MEIKIN: variants seen among roughly 807,000 people sequenced by gnomAD.
MEIKIN encodes meiotic kinetochore factor, also known as meiosis-specific kinetochore protein.
chr5:131,825,510 G>A (rs1004825061), intron 11 of MEIKIN, among the ~76,000 whole-genome samples: 11 of 152,152 alleles, frequency 7.2e-5, no homozygotes, highest in African/African-American at 1.7e-4. Context: ...TGTGCAAAGC[G>A]GAAGCTCAGT....
intron 5 of MEIKIN, among the ~76,000 whole-genome samples, chr5:131,924,488 C>T (rs757664327): frequency 1.3e-5 from 2 of 152,018 alleles, no homozygotes; most frequent in African/African-American, 4.8e-5. Context: ...CATTTGTTAT[C>T]TTTTGTTTTT....
chr5:131,855,655 C>G (rs1403788756), intron 9 of MEIKIN, among the ~76,000 whole-genome samples: 1 of 151,086 alleles, frequency 6.6e-6, no homozygotes, highest in Non-Finnish European at 1.5e-5. Flanking sequence ...AGAGGAAGAC[C>G]AAGAGAAGGA....
intron 5 of MEIKIN, 126 bp downstream of exon 5, chr5:131,933,387 G>C (rs928725007): frequency 1.1e-5 from 4 of 379,980 alleles, no homozygotes; most frequent in Middle Eastern, 6.6e-4. Flanking sequence ...AATGGTCAGG[G>C]AAGTGAGGTG....
chr5:131,823,169 T>C (rs1336634563), intron 11 of MEIKIN, among the ~76,000 whole-genome samples: 1 of 152,128 alleles, frequency 6.6e-6, no homozygotes, highest in Admixed American at 6.5e-5. Flanking sequence ...CTTGAGGTAG[T>C]CTTCGGATTA....
chr5:131,889,746 A>G (rs1159917167), intron 8 of MEIKIN, among the ~76,000 whole-genome samples: 2 of 152,164 alleles, frequency 1.3e-5, no homozygotes, highest in Non-Finnish European at 2.9e-5. Context: ...TTCCAACACT[A>G]TGTTGAATAG....
intron 11 of MEIKIN, among the ~76,000 whole-genome samples, chr5:131,842,782 C>G (rs145775243): frequency 6.6e-6 from 1 of 152,266 alleles, no homozygotes; most frequent in East Asian, 1.9e-4. Flanking sequence ...TCCACCCTTC[C>G]ACATTTTATG....
intron 12 of MEIKIN, among the ~76,000 whole-genome samples, chr5:131,809,162 C>G (rs187396726): frequency 6.6e-6 from 1 of 152,178 alleles, no homozygotes; most frequent in Non-Finnish European, 1.5e-5. Context: ...ACAACTATGT[C>G]TTTATCTCAA....
At chr5:131,867,613 T>G (rs1263471564) in intron 9 of MEIKIN, among the ~76,000 whole-genome samples, 2 of 152,250 alleles carry the variant, frequency 1.3e-5, no homozygotes, top group African/African-American at 2.4e-5. Flanking sequence ...ATCATATGGT[T>G]GGAATCACAC....
At chr5:131,872,429 G>A (rs951754382) in intron 9 of MEIKIN, among the ~76,000 whole-genome samples, 6 of 152,172 alleles carry the variant, frequency 3.9e-5, no homozygotes, top group Non-Finnish European at 7.3e-5. Flanking sequence ...GAAATGAAGT[G>A]AGAAGAGAAG....
chr5:131,855,487 T>C (rs113280233), intron 9 of MEIKIN, among the ~76,000 whole-genome samples: 9 of 149,468 alleles, frequency 6.0e-5, no homozygotes, highest in African/African-American at 2.2e-4. Context: ...ATACAAGACC[T>C]AAAGAAAGTG....
chr5:131,874,353 G>C (rs1346271860), intron 9 of MEIKIN, among the ~76,000 whole-genome samples: 6 of 152,156 alleles, frequency 3.9e-5, no homozygotes. Flanking sequence ...TACCATCAGA[G>C]AATACTATAA....
At chr5:131,849,374 T>A (rs1177674208) in intron 11 of MEIKIN, among the ~76,000 whole-genome samples, 1 of 146,226 alleles carries the variant, frequency 6.8e-6, no homozygotes, top group African/African-American at 2.5e-5. Context: ...TTTCTTTATA[T>A]ATATAAAGAA....
chr5:131,945,471 C>T lies in MEIKIN; in HGVS notation c.35G>A (p.Arg12Gln), dbSNP rs1751949383. ...WPLRVYTRKK[R>Q]EGQRLNLTPT... ...GGTGAGATTGAGCCTCTGACCCTCC[C>T]GCTTTTTGCGGGTATAGACCCGTAG... Residue 12 changes from arginine (R) to glutamine (Q), a missense_variant, in exon 1 of 13, where the codon CGG becomes CAG. Arg to Gln is a conservative substitution (Grantham distance 43, BLOSUM62 1). Coordinates refer to ENST00000442687, the MANE Select transcript of MEIKIN (RefSeq NM_001303622.2). 2.5e-6 allele frequency: 1 copy of T among 399,528 alleles called. No individual in the cohort carries two copies. The highest frequency in any genetic ancestry group is 4.4e-5 in the Admixed American group (1 of 22,738). The allele number at this position is 399,528 out of a possible 1,614,324, so 24.7% of individuals were successfully genotyped here. A position where few individuals can be genotyped will look rare whatever the true frequency, so the allele number is the denominator to read the frequency against.
At chr5:131,877,272 C>G (rs1416147422) in intron 9 of MEIKIN, among the ~76,000 whole-genome samples, 2 of 151,760 alleles carry the variant, frequency 1.3e-5, no homozygotes, top group African/African-American at 2.4e-5. Flanking sequence ...ATACCATAAA[C>G]AAAATATATA....
At chr5:131,899,926 A>T in intron 8 of MEIKIN, among the ~76,000 whole-genome samples, 1 of 152,250 alleles carries the variant, frequency 6.6e-6, no homozygotes, top group East Asian at 1.9e-4. Flanking sequence ...CAGAAAGTCA[A>T]CAAAGAAACA....
intron 8 of MEIKIN, among the ~76,000 whole-genome samples, chr5:131,879,853 G>C (rs1018390647): frequency 6.6e-6 from 1 of 152,144 alleles, no homozygotes; most frequent in African/African-American, 2.4e-5. Flanking sequence ...CAAGCAACAA[G>C]TATTTATTGA....
At chr5:131,908,643 T>C (rs1044235197) in intron 8 of MEIKIN, among the ~76,000 whole-genome samples, 2 of 152,152 alleles carry the variant, frequency 1.3e-5, no homozygotes, top group Admixed American at 6.6e-5. Flanking sequence ...AAATTATCTT[T>C]GTTTGCAGAT....
At chr5:131,934,831 G>A (rs1751746725) in intron 4 of MEIKIN, among the ~76,000 whole-genome samples, 1 of 152,122 alleles carries the variant, frequency 6.6e-6, no homozygotes, top group South Asian at 2.1e-4. Flanking sequence ...ACCGAGGCAG[G>A]CAGATCACGA....
intron 5 of MEIKIN, among the ~76,000 whole-genome samples, 154 bp from the exon 6 acceptor site, chr5:131,922,095 G>A (rs536566847): frequency 1.3e-5 from 2 of 152,240 alleles, no homozygotes; most frequent in East Asian, 3.9e-4. Context: ...AGCCTTGATG[G>A]ATCAATATAG....
Sources: gnomAD v4.1 joint callset for allele counts (sites outside exome capture counted in the v4.1 genomes callset) on GRCh38, gnomAD v4.1.1 for gene constraint, MANE v1.5 for transcripts, NCBI Gene and HGNC (gene_info 2026-07-23, HGNC 2026-07-21) for gene names.